Variants in KLHL20 observed in about 807,000 individuals in gnomAD.
The protein encoded by KLHL20 is kelch like family member 20.
KLHL20 carries 29 observed loss-of-function variants against 69.5 expected under a neutral mutation model. That is an observed-to-expected ratio of 0.42 (90% CI 0.31 to 0.57). The LOEUF is 0.57. KLHL20 is among the 20% of genes least tolerant of loss of function. The pLI, the probability that KLHL20 is intolerant of heterozygous loss-of-function variation, is 0.18. For synonymous variants in KLHL20, 253 were observed against 265.2 expected (o/e 0.95, Z 0.45); for missense variants, 419 against 776.0 (o/e 0.54, Z 5.47).
chr1:173,764,536 A>G (rs1310671519), intron 7 of KLHL20, among the ~76,000 whole-genome samples: 3 of 152,244 alleles, frequency 2.0e-5, no homozygotes, highest in Admixed American at 6.5e-5. Context: ...ATGGAATACT[A>G]TGCAGCCATA....
intron 10 of KLHL20, among the ~76,000 whole-genome samples, chr1:173,778,206 C>T (rs1374721320): frequency 1.3e-5 from 2 of 152,066 alleles, no homozygotes; most frequent in East Asian, 1.9e-4. Flanking sequence ...TTTCTCCTAA[C>T]GCTATCACTC....
intron 5 of KLHL20, 86 bp downstream of exon 5, chr1:173,753,393 T>A: frequency 9.9e-7 from 1 of 1,008,762 alleles, no homozygotes. Context: ...TTCCTAAATA[T>A]TGTATTTTGC....
chr1:173,726,731 C>T (rs951817328), intron 2 of KLHL20, among the ~76,000 whole-genome samples: 4 of 152,160 alleles, frequency 2.6e-5, no homozygotes, highest in African/African-American at 4.8e-5. Context: ...AATACATCCA[C>T]ACCAAAACCC....
rs749524628 is a variant in KLHL20 at position 173,733,726 on chromosome 1, C to G, written c.37C>G (p.Arg13Gly). 3.1e-6 allele frequency: 5 copies of G among 1,612,032 alleles called. No homozygotes were observed. The highest frequency in any genetic ancestry group is 2.2e-5 in the East Asian group (1 of 44,850). The change falls in exon 3 of 12, where the codon CGA (arginine) becomes GGA (glycine). Residue 13 changes from arginine (R) to glycine (G), a missense_variant. By Grantham distance (125) the Arg-to-Gly change is moderately radical (BLOSUM62 -2). This residue lies in a region of KLHL20 where 129 missense variants were observed against 183.6 expected (regional missense o/e 0.70). Transcript: ENST00000209884. ...GKPMRRCTNI[R>G]PGETGMDVTS... ...TCATTCCTATAGGTGTACCAACATTCGACCAGGAGAGACTGGAATGGATGT... is the reference window on the plus strand; with the variant it reads ...TCATTCCTATAGGTGTACCAACATTGGACCAGGAGAGACTGGAATGGATGT...
chr1:173,717,774 C>G, intron 2 of KLHL20, among the ~76,000 whole-genome samples: 1 of 151,858 alleles, frequency 6.6e-6, no homozygotes, highest in Non-Finnish European at 1.5e-5. Flanking sequence ...CAGACTTTCC[C>G]CCTCCAAAAA....
At chr1:173,718,330 A>G (rs920022515) in intron 2 of KLHL20, among the ~76,000 whole-genome samples, 4 of 151,800 alleles carry the variant, frequency 2.6e-5, no homozygotes, top group African/African-American at 9.7e-5. Flanking sequence ...CTTGAGCCCA[A>G]GAGTTCAAGA....
chr1:173,778,157 T>C (rs1048874293), intron 10 of KLHL20, among the ~76,000 whole-genome samples: 8 of 152,088 alleles, frequency 5.3e-5, no homozygotes. Context: ...ACATGTGCCA[T>C]GTTTGCTGCA....
At chr1:173,751,641 TG>T in intron 3 of KLHL20, 122 bp from the exon 4 acceptor site, 1 of 799,110 alleles carries the variant, frequency 1.3e-6, no homozygotes, top group Non-Finnish European at 1.9e-6. Flanking sequence ...TCCTTTCCTC[TG>T]GTATCGTTTG....
intron 3 of KLHL20, among the ~76,000 whole-genome samples, chr1:173,738,208 G>A (rs1433480720): frequency 2.6e-5 from 4 of 151,956 alleles, no homozygotes; most frequent in Non-Finnish European, 5.9e-5. Flanking sequence ...TATTTCATTT[G>A]TTTGTTTGTT....
chr1:173,747,058 G>T (rs758854457), intron 3 of KLHL20, among the ~76,000 whole-genome samples: 4 of 151,694 alleles, frequency 2.6e-5, no homozygotes, highest in African/African-American at 4.8e-5. Context: ...AGTGCACTTT[G>T]ATCAGTGTTT....
chr1:173,774,510 G>T, intron 9 of KLHL20, 72 bp downstream of exon 9: 1 of 1,531,384 alleles, frequency 6.5e-7, no homozygotes, highest in East Asian at 2.3e-5. Context: ...CCTACAAAAC[G>T]TGTAGAAACT....
intron 3 of KLHL20, chr1:173,741,955 G>A: frequency 2.4e-6 from 2 of 817,078 alleles, no homozygotes; most frequent in East Asian, 2.6e-5. Context: ...AAGATAAGTG[G>A]GAAACCATCT....
chr1:173,745,159 A>G (rs76661308), intron 3 of KLHL20, among the ~76,000 whole-genome samples: 9,076 of 130,738 alleles, frequency 0.069, 913 homozygotes, highest in African/African-American at 0.23. Context: ...ACTTTTATAC[A>G]TTTCTTTTTT....
At chr1:173,746,060 A>G in intron 3 of KLHL20, among the ~76,000 whole-genome samples, 1 of 152,200 alleles carries the variant, frequency 6.6e-6, no homozygotes. Flanking sequence ...TTCAGTTTTT[A>G]TGGAGATAAT....
At chr1:173,772,015 A>C (rs1648126074) in intron 8 of KLHL20, among the ~76,000 whole-genome samples, 1 of 152,218 alleles carries the variant, frequency 6.6e-6, no homozygotes, top group African/African-American at 2.4e-5. Context: ...AAAAGGTTGC[A>C]AAATAGAAGT....
At chr1:173,737,860 A>G (rs1047790681) in intron 3 of KLHL20, among the ~76,000 whole-genome samples, 2 of 151,406 alleles carry the variant, frequency 1.3e-5, no homozygotes, top group Admixed American at 1.3e-4. Context: ...ATGTGTTTCC[A>G]TTTGTTTGTG....
chr1:173,746,190 G>A (rs879823841), intron 3 of KLHL20, among the ~76,000 whole-genome samples: 3 of 151,972 alleles, frequency 2.0e-5, no homozygotes, highest in Non-Finnish European at 4.4e-5. Flanking sequence ...GAATCTATTC[G>A]CTAATATTCA....
At chr1:173,748,698 T>C (rs901926103) in intron 3 of KLHL20, among the ~76,000 whole-genome samples, 3 of 152,108 alleles carry the variant, frequency 2.0e-5, no homozygotes, top group Non-Finnish European at 4.4e-5. Flanking sequence ...TGTATACATA[T>C]GTAACTAACC....
At position 173,775,758 on chromosome 1, in the gene KLHL20, T is replaced by C; in HGVS notation, c.1554T>C (p.Thr518=). The change falls in exon 10 of 12, where the codon ACT becomes ACC. Residue 518 remains threonine, a synonymous_variant. Coordinates refer to ENST00000209884, the MANE Select transcript of KLHL20 (RefSeq NM_014458.4). ...ATGCTGTAGGAGGTAGAGATGACAC[T>C]ACAGAGCTGAGCAGTGCTGAGAGAT... ...MIYAVGGRDD[T]TELSSAERYN... 6.2e-7 allele frequency: 1 copy of C among 1,614,160 alleles called. No homozygotes were observed. Among genetic ancestry groups the C allele is most frequent in the East Asian group, 2.2e-5 (1 of 44,876 alleles).
Sources: gnomAD v4.1 joint callset for allele counts (sites outside exome capture counted in the v4.1 genomes callset) on GRCh38, gnomAD v4.1.1 for gene constraint, gnomAD v4.1.1 regional missense constraint, MANE v1.5 for transcripts, NCBI Gene and HGNC (gene_info 2026-07-23, HGNC 2026-07-21) for gene names.